The following DNAH14 variants were observed in gnomAD, a reference collection of about 807,000 sequenced individuals.
DNAH14 encodes the protein axonemal beta dynein heavy chain 14.
A neutral mutation model predicts 520.9 loss-of-function variants in DNAH14; 478 were observed. The ratio of observed to expected loss-of-function variants is 0.92; its 90% CI spans 0.85 to 0.99. The LOEUF is 0.99. DNAH14 is among the 50% of genes least tolerant of loss of function. The pLI, the probability that DNAH14 is intolerant of heterozygous loss-of-function variation, is 0.00. For synonymous variants in DNAH14, 1,581 were observed against 1,757.2 expected (o/e 0.90, Z 2.51); for missense variants, 4,831 against 5,234.5 (o/e 0.92, Z 2.38).
chr1:225,099,281 G>A (rs2075247447), intron 22 of DNAH14, among the ~76,000 whole-genome samples: 1 of 152,142 alleles, frequency 6.6e-6, no homozygotes, highest in Admixed American at 6.6e-5. Flanking sequence ...AGAGTGTAGG[G>A]ACATTAGAAA....
intron 36 of DNAH14, among the ~76,000 whole-genome samples, chr1:225,179,434 T>C (rs2083712868): frequency 6.6e-6 from 1 of 152,170 alleles, no homozygotes; most frequent in Admixed American, 6.5e-5. Flanking sequence ...TTATAATAAG[T>C]TAAACTCATG....
intron 77 of DNAH14, among the ~76,000 whole-genome samples, chr1:225,374,268 A>T (rs755033633): frequency 0.38 from 18,873 of 49,470 alleles, 2,161 homozygotes; most frequent in East Asian, 0.63. Flanking sequence ...ATATATATAT[A>T]TATTTTTTTT....
chr1:225,089,125 T>C (rs904102740), intron 21 of DNAH14, among the ~76,000 whole-genome samples: 114 of 152,244 alleles, frequency 7.5e-4, no homozygotes, highest in Non-Finnish European at 2.4e-4. Context: ...AGTATTACCC[T>C]GATACCAAAG....
intron 34 of DNAH14, among the ~76,000 whole-genome samples, chr1:225,155,287 CATG>C (rs1301973668): frequency 2.0e-5 from 3 of 151,946 alleles, no homozygotes; most frequent in South Asian, 4.2e-4. Context: ...GATCTATCAA[CATG>C]ATAACTGTTT....
intron 8 of DNAH14, among the ~76,000 whole-genome samples, chr1:224,982,197 T>C (rs1218342282): frequency 6.6e-6 from 1 of 152,204 alleles, no homozygotes. Flanking sequence ...TATCCACAAG[T>C]GTATTGACTC....
Position 225,356,519 on chromosome 1 carries a change from C to A in DNAH14, c.11620-1977C>A, listed in dbSNP as rs576043407. On this transcript the variant is annotated intron_variant, in intron 73 of 85. Coordinates refer to ENST00000682510, the MANE Select transcript of DNAH14 (RefSeq NM_001367479.1). ...AACTTCAGACAGATTGATACCTCAA[C>A]TCTACATGTGGATTATTGACATAGT... Among the ~76,000 whole-genome samples the A allele has an allele frequency of 2.6e-5, 4 of 152,296 alleles. No homozygotes were observed. In the East Asian group the frequency reaches 5.8e-4, roughly 22 times the overall value.
intron 55 of DNAH14, among the ~76,000 whole-genome samples, chr1:225,295,545 G>C (rs2093988242): frequency 6.6e-6 from 1 of 152,060 alleles, no homozygotes; most frequent in Non-Finnish European, 1.5e-5. Context: ...GTCCATGAAT[G>C]TTACAGTTTT....
At chr1:225,055,594 G>T (rs1436591201) in intron 17 of DNAH14, among the ~76,000 whole-genome samples, 1 of 151,878 alleles carries the variant, frequency 6.6e-6, no homozygotes, top group Admixed American at 6.6e-5. Context: ...GTGCAGGTTA[G>T]TTACATATGT....
chr1:225,375,688 T>A (rs541196812), intron 78 of DNAH14, among the ~76,000 whole-genome samples: 14 of 151,938 alleles, frequency 9.2e-5, no homozygotes, highest in Non-Finnish European at 1.8e-4. Context: ...CCTGAGTCAA[T>A]AAGAAGGCAT....
chr1:225,349,000 G>T (rs780404162), intron 71 of DNAH14, among the ~76,000 whole-genome samples: 7 of 151,992 alleles, frequency 4.6e-5, no homozygotes, highest in Non-Finnish European at 7.4e-5. Flanking sequence ...TTGAGACATA[G>T]TCTCACTGTC....
intron 84 of DNAH14, 66 bp downstream of exon 84, chr1:225,392,517 T>A (rs936090543): frequency 2.0e-6 from 3 of 1,528,648 alleles, no homozygotes; most frequent in African/African-American, 2.7e-5. Context: ...ATTCAATCAA[T>A]TGTGCCCTTT....
In DNAH14 at chr1:225,318,577, T is replaced by C; in HGVS notation, c.9241-6T>C. 2 of 1,540,104 alleles carry C rather than the reference T, an allele frequency of 1.3e-6. No individual in the cohort carries two copies. The highest frequency in any genetic ancestry group is 1.7e-6 in the Non-Finnish European group (2 of 1,142,890). On this transcript the variant is annotated splice_region_variant and splice_polypyrimidine_tract_variant and intron_variant, in intron 60 of 85. Transcript: ENST00000682510. Reference sequence around the variant, plus strand: ...ATGTGTTTGGGGACCTATATTTTTATTGCAGAAAACTGCCAATGAACTAAA... The same window carrying C: ...ATGTGTTTGGGGACCTATATTTTTACTGCAGAAAACTGCCAATGAACTAAA...
At chr1:225,260,820 C>T (rs1253751226) in intron 46 of DNAH14, among the ~76,000 whole-genome samples, 1 of 152,098 alleles carries the variant, frequency 6.6e-6, no homozygotes, top group Non-Finnish European at 1.5e-5. Flanking sequence ...TTTATTTCAT[C>T]AATGTTTTAT....
intron 79 of DNAH14, among the ~76,000 whole-genome samples, 190 bp downstream of exon 79, chr1:225,377,626 G>A (rs2095718050): frequency 6.6e-6 from 1 of 152,016 alleles, no homozygotes; most frequent in African/African-American, 2.4e-5. Context: ...TGAGTGTAGT[G>A]GTGAGCACCT....
At chr1:224,939,954 G>A (rs973555030) in intron 1 of DNAH14, among the ~76,000 whole-genome samples, 1 of 152,114 alleles carries the variant, frequency 6.6e-6, no homozygotes, top group Non-Finnish European at 1.5e-5. Context: ...ATTGCTGTGT[G>A]ACAAACCACC....
At chr1:225,395,461 G>C (rs1402204893) in intron 84 of DNAH14, among the ~76,000 whole-genome samples, 4 of 151,742 alleles carry the variant, frequency 2.6e-5, no homozygotes, top group Admixed American at 6.6e-5. Flanking sequence ...GCGTAGTGGC[G>C]GGCGCCTGTA....
At chr1:224,955,496 A>G (rs1287906029) in intron 3 of DNAH14, among the ~76,000 whole-genome samples, 1 of 152,010 alleles carries the variant, frequency 6.6e-6, no homozygotes, top group East Asian at 1.9e-4. Context: ...CTAGTGTCTA[A>G]TTACTCCCTC....
chr1:225,159,378 G>A lies in DNAH14; in HGVS notation c.5338G>A (p.Ala1780Thr), dbSNP rs763958251. ...TLIVIEAIREASLPKCPPEDV... is the reference protein window; with the variant it reads ...TLIVIEAIRETSLPKCPPEDV... ...GATTGTTATCGAGGCTATAAGAGAA[G>A]CTAGTTTGCCAAAATGTCCTCCTGA... Residue 1780 changes from alanine (A) to threonine (T), a missense_variant, in exon 35 of 86, where the codon GCT (alanine) becomes ACT (threonine). Coordinates refer to ENST00000682510, the MANE Select transcript of DNAH14 (RefSeq NM_001367479.1). The A allele has an allele frequency of 3.2e-6, 5 of 1,551,500 alleles. No homozygotes were observed. The South Asian group carries it at 6.0e-5, about 18-fold the overall frequency.
chr1:225,160,746 C>T (rs151144331), intron 35 of DNAH14, among the ~76,000 whole-genome samples: 2 of 152,094 alleles, frequency 1.3e-5, no homozygotes, highest in African/African-American at 4.8e-5. Context: ...TTCTTATTTT[C>T]CTAATTTGTG....
Sources: allele counts gnomAD v4.1 joint callset (sites outside exome capture counted in the v4.1 genomes callset), GRCh38; gene constraint gnomAD v4.1.1; transcripts MANE v1.5; gene names NCBI Gene and HGNC (gene_info 2026-07-23, HGNC 2026-07-21).